The following CHLSN variants were observed in gnomAD, a reference collection of about 807,000 sequenced individuals.
The protein encoded by CHLSN is cholesin, also known as protein cholesin.
At chr7:1,135,463 G>C in the CHLSN span, among the ~76,000 whole-genome samples, 1 of 151,926 alleles carries the variant, frequency 6.6e-6, no homozygotes, top group Non-Finnish European at 1.5e-5. Context: ...ATCTACATGT[G>C]TGTATATATA....
chr7:1,009,048 CGT>C, the CHLSN span, among the ~76,000 whole-genome samples: 1 of 150,288 alleles, frequency 6.7e-6, no homozygotes, highest in Non-Finnish European at 1.5e-5. Flanking sequence ...CATGCACACA[CGT>C]ACACGTGCAC....
At chr7:986,451 G>A in the CHLSN span, 2 of 703,028 alleles carry the variant, frequency 2.8e-6, no homozygotes, top group Non-Finnish European at 4.7e-6. Flanking sequence ...GGGTTTCCTG[G>A]CAGTTCCTGG....
the CHLSN span, among the ~76,000 whole-genome samples, chr7:1,136,021 T>C: frequency 8.3e-6 from 1 of 120,926 alleles, no homozygotes; most frequent in Non-Finnish European, 1.6e-5. Context: ...TATATATGTA[T>C]ATATAAATAT....
chr7:1,089,509 G>A, the CHLSN span, among the ~76,000 whole-genome samples: 1 of 150,652 alleles, frequency 6.6e-6, no homozygotes, highest in Non-Finnish European at 1.5e-5. Context: ...ACCTCTACCT[G>A]CCAGGCTCAG....
At chr7:1,077,282 A>G in the CHLSN span, among the ~76,000 whole-genome samples, 1 of 152,190 alleles carries the variant, frequency 6.6e-6, no homozygotes, top group African/African-American at 2.4e-5. Flanking sequence ...CAGCCTCCCA[A>G]GTAGCTGGGA....
the CHLSN span, among the ~76,000 whole-genome samples, chr7:1,130,634 C>T: frequency 3.1e-4 from 47 of 152,232 alleles, no homozygotes; most frequent in Middle Eastern, 3.4e-3. Context: ...TCTCCTCTGC[C>T]GCCCCCACTG....
chr7:1,048,131 GT>G, the CHLSN span, among the ~76,000 whole-genome samples: 1 of 152,188 alleles, frequency 6.6e-6, no homozygotes, highest in African/African-American at 2.4e-5. Flanking sequence ...ACGAGCCAGT[GT>G]TTGCTGAGAG....
chr7:1,111,406 T>C, the CHLSN span, among the ~76,000 whole-genome samples: 1 of 152,158 alleles, frequency 6.6e-6, no homozygotes, highest in African/African-American at 2.4e-5. Flanking sequence ...GGGAAAGACA[T>C]AAAATGAAAC....
the CHLSN span, chr7:1,058,023 C>T: frequency 2.5e-5 from 19 of 769,542 alleles, no homozygotes; most frequent in African/African-American, 3.0e-4. Flanking sequence ...CATCTGCAGC[C>T]ATGTGTCCAC....
the CHLSN span, among the ~76,000 whole-genome samples, chr7:1,070,714 G>GCA: frequency 0.12 from 16,826 of 142,082 alleles, 1,135 homozygotes; most frequent in Middle Eastern, 0.29. Flanking sequence ...ACATGAACAC[G>GCA]CACACGCGCA....
chr7:1,041,041 T>A, the CHLSN span, among the ~76,000 whole-genome samples: 1 of 152,220 alleles, frequency 6.6e-6, no homozygotes, highest in Non-Finnish European at 1.5e-5. Context: ...CCTCCCACGT[T>A]CCCTGTGGGA....
the CHLSN span, among the ~76,000 whole-genome samples, chr7:1,002,640 G>GT: frequency 9.2e-6 from 1 of 108,984 alleles, no homozygotes; most frequent in African/African-American, 3.7e-5. Flanking sequence ...CCTGTGGGTG[G>GT]GGAGTCCTGC....
the CHLSN span, among the ~76,000 whole-genome samples, chr7:1,114,012 A>G: frequency 6.6e-6 from 1 of 152,246 alleles, no homozygotes; most frequent in Non-Finnish European, 1.5e-5. Context: ...TTATATTTCA[A>G]GTTAAATGTC....
chr7:983,626 G>A, the CHLSN span, among the ~76,000 whole-genome samples: 8 of 152,310 alleles, frequency 5.3e-5, no homozygotes, highest in Admixed American at 1.3e-4. Context: ...GGCCCGGCGC[G>A]GGAGCAGGAG....
At chr7:1,093,440 T>C in the CHLSN span, 1 of 464,208 alleles carries the variant, frequency 2.2e-6, no homozygotes, top group East Asian at 7.0e-5. Flanking sequence ...TCCTCCATCT[T>C]CCAGGATGGC....
the CHLSN span, among the ~76,000 whole-genome samples, chr7:1,032,694 A>G: frequency 6.6e-6 from 1 of 152,176 alleles, no homozygotes. Context: ...ACCGCCAGGC[A>G]CCCTCAGGTG....
At chr7:980,388 G>C in the CHLSN span, among the ~76,000 whole-genome samples, 1 of 152,276 alleles carries the variant, frequency 6.6e-6, no homozygotes, top group Non-Finnish European at 1.5e-5. Context: ...CACTTGAGCA[G>C]CCAGGCTGCA....
At chr7:1,019,392 G>A in the CHLSN span, among the ~76,000 whole-genome samples, 1 of 152,170 alleles carries the variant, frequency 6.6e-6, no homozygotes, top group African/African-American at 2.4e-5. Flanking sequence ...CCAGGTTGTT[G>A]ATCACCCACG....
the CHLSN span, among the ~76,000 whole-genome samples, chr7:1,018,774 C>A: frequency 6.6e-6 from 1 of 151,758 alleles, no homozygotes; most frequent in African/African-American, 2.4e-5. Context: ...GAGAGTGAGA[C>A]CCTCAAAAAA....
Sources: gnomAD v4.1 joint callset for allele counts (sites outside exome capture counted in the v4.1 genomes callset) on GRCh38, gnomAD v4.1.1 for gene constraint, MANE v1.5 for transcripts, NCBI Gene and HGNC (gene_info 2026-07-23, HGNC 2026-07-21) for gene names.